The following CHN2 variants were observed in gnomAD, a reference collection of about 807,000 sequenced individuals.
CHN2 encodes the protein chimerin 2.
A neutral mutation model predicts 56.3 loss-of-function variants in CHN2; 35 were observed. The ratio of observed to expected loss-of-function variants is 0.62; its 90% CI spans 0.47 to 0.82. The LOEUF (loss-of-function observed/expected upper bound fraction) is 0.82, where lower values mean the gene tolerates loss of function less well. Among genes scored for constraint, CHN2 ranks in the 40% least tolerant of loss-of-function variants. The probability of loss-of-function intolerance (pLI) is 0.00; values close to 1 mark genes in which losing one functional copy is unlikely to be tolerated. For synonymous variants in CHN2, 210 were observed against 212.8 expected (o/e 0.99, Z 0.12); for missense variants, 491 against 580.5 (o/e 0.85, Z 1.58).
At chr7:29,215,070 T>C (rs1355439262) in intron 1 of CHN2, among the ~76,000 whole-genome samples, 1 of 152,118 alleles carries the variant, frequency 6.6e-6, no homozygotes, top group East Asian at 1.9e-4. Context: ...ACTGAGTAAA[T>C]GGAGACATGA....
chr7:29,481,133 C>T (rs1787171156), intron 7 of CHN2, among the ~76,000 whole-genome samples: 1 of 152,134 alleles, frequency 6.6e-6, no homozygotes, highest in South Asian at 2.1e-4. Context: ...AATTGTCTAG[C>T]TTGAATTGCA....
chr7:29,418,217 G>A (rs141737578), intron 6 of CHN2, among the ~76,000 whole-genome samples: 35 of 152,366 alleles, frequency 2.3e-4, no homozygotes, highest in Non-Finnish European at 4.7e-4. Context: ...CCTCAGATGG[G>A]ATGTTTTGGA....
intron 1 of CHN2, among the ~76,000 whole-genome samples, chr7:29,296,228 C>T (rs550995369): frequency 9.1e-4 from 139 of 152,018 alleles, no homozygotes; most frequent in Middle Eastern, 3.4e-3. Context: ...GGATTACAGG[C>T]GCCCACCACC....
chr7:29,482,116 C>T (rs1218358071), intron 7 of CHN2, among the ~76,000 whole-genome samples: 2 of 152,160 alleles, frequency 1.3e-5, no homozygotes, highest in African/African-American at 4.8e-5. Flanking sequence ...CTGGAAAACA[C>T]CAGCAGCTCT....
chr7:29,350,686 C>A (rs957442207), intron 1 of CHN2, among the ~76,000 whole-genome samples: 6 of 152,126 alleles, frequency 3.9e-5, no homozygotes, highest in Non-Finnish European at 5.9e-5. Flanking sequence ...CACGGGCTCA[C>A]CTGGGAAGGA....
At chr7:29,445,276 C>A in intron 6 of CHN2, 2 of 402,310 alleles carry the variant, frequency 5.0e-6, no homozygotes, top group Non-Finnish European at 9.9e-6. Flanking sequence ...GGAACAAATA[C>A]CCCAAACAGG....
chr7:29,362,302 G>A (rs1798798051), intron 2 of CHN2, among the ~76,000 whole-genome samples: 1 of 152,176 alleles, frequency 6.6e-6, no homozygotes, highest in Non-Finnish European at 1.5e-5. Flanking sequence ...TTCAAAGCTG[G>A]CAGGCAACCC....
At chr7:29,404,897 A>G (rs1355328362) in intron 6 of CHN2, among the ~76,000 whole-genome samples, 1 of 151,972 alleles carries the variant, frequency 6.6e-6, no homozygotes, top group Non-Finnish European at 1.5e-5. Context: ...TTTTTCATGC[A>G]AAGTCATAAA....
At chr7:29,264,438 C>T (rs1380672710) in intron 1 of CHN2, among the ~76,000 whole-genome samples, 2 of 152,168 alleles carry the variant, frequency 1.3e-5, no homozygotes, top group African/African-American at 4.8e-5. Flanking sequence ...AAGAAGTAGA[C>T]CTGGGAGACT....
rs900119668 is a variant in CHN2, at chr7:29,414,861, G to T, written c.576+14033G>T. 1.7e-4 allele frequency among the ~76,000 whole-genome samples: 26 copies of T among 152,126 alleles called. 1 individual carries two copies. In the South Asian group the frequency reaches 2.3e-3, roughly 13 times the overall value. On this transcript the variant is annotated intron_variant, in intron 6 of 12. Coordinates refer to ENST00000222792, the MANE Select transcript of CHN2 (RefSeq NM_004067.4). ...ATTGCCTTCCCCAGGCTCCTGTCCT[G>T]ACTTGGGGAACTCCTGCCATGCTTT...
Position 29,512,987 on chromosome 7 carries a change from G to A in CHN2, c.*252G>A, listed in dbSNP as rs960561743. 3 of 374,662 alleles carry A rather than the reference G, an allele frequency of 8.0e-6. No individual in the cohort carries two copies. Among genetic ancestry groups the A allele is most frequent in the African/African-American group, 6.1e-5 (3 of 49,136 alleles). The allele number at this position is 374,662 out of a possible 1,614,324, so 23.2% of individuals were successfully genotyped here. On this transcript the variant is annotated 3_prime_UTR_variant, in exon 13 of 13. Transcript: ENST00000222792. Reference sequence around the variant, plus strand: ...CCTCCTATGTATGTCTGGTTTGCTGGAAGAGTGATTAATACATCTTTAATT... The same window carrying A: ...CCTCCTATGTATGTCTGGTTTGCTGAAAGAGTGATTAATACATCTTTAATT...
At chr7:29,361,911 CT>C (rs756681649) in intron 2 of CHN2, among the ~76,000 whole-genome samples, 1 of 152,220 alleles carries the variant, frequency 6.6e-6, no homozygotes, top group Non-Finnish European at 1.5e-5. Flanking sequence ...CTTTCACAAC[CT>C]CATCTGTGTA....
chr7:29,268,759 G>T (rs1790371232), intron 1 of CHN2, among the ~76,000 whole-genome samples: 1 of 152,196 alleles, frequency 6.6e-6, no homozygotes, highest in Non-Finnish European at 1.5e-5. Flanking sequence ...ATCCTCAGCA[G>T]CCTCACCCCC....
chr7:29,423,863 C>G (rs1023477082), intron 6 of CHN2, among the ~76,000 whole-genome samples: 6 of 152,132 alleles, frequency 3.9e-5, no homozygotes, highest in Admixed American at 2.6e-4. Flanking sequence ...GTTTGTAGTC[C>G]ATGCCCCATT....
chr7:29,319,187 T>C (rs1795167251), intron 1 of CHN2, among the ~76,000 whole-genome samples: 1 of 152,236 alleles, frequency 6.6e-6, no homozygotes, highest in Non-Finnish European at 1.5e-5. Context: ...TCTTATGTAC[T>C]TCTTGGGAGT....
intron 1 of CHN2, among the ~76,000 whole-genome samples, chr7:29,339,772 G>T (rs2128912100): frequency 6.6e-6 from 1 of 151,914 alleles, no homozygotes; most frequent in South Asian, 2.1e-4. Flanking sequence ...AGAATCACTT[G>T]AACTAGGGAG....
chr7:29,394,469 A>G (rs1801587666), intron 4 of CHN2, among the ~76,000 whole-genome samples: 1 of 152,094 alleles, frequency 6.6e-6, no homozygotes, highest in Non-Finnish European at 1.5e-5. Context: ...AGCCAATCTC[A>G]AACCTTCCTC....
chr7:29,163,106 T>C (rs961469011), intron 2 of CHN2, among the ~76,000 whole-genome samples: 1 of 152,180 alleles, frequency 6.6e-6, no homozygotes, highest in African/African-American at 2.4e-5. Context: ...CTACTTTTAC[T>C]CCTTATGAGT....
chr7:29,466,314 C>G (rs537766021), intron 6 of CHN2, among the ~76,000 whole-genome samples: 1 of 152,236 alleles, frequency 6.6e-6, no homozygotes, highest in South Asian at 2.1e-4. Flanking sequence ...ACGTAATTTT[C>G]TGGGTGTAGA....
Sources: gnomAD v4.1 joint callset for allele counts (sites outside exome capture counted in the v4.1 genomes callset) on GRCh38, gnomAD v4.1.1 for gene constraint, MANE v1.5 for transcripts, NCBI Gene and HGNC (gene_info 2026-07-23, HGNC 2026-07-21) for gene names.